The following PGBD5 variants were observed in gnomAD, a reference collection of about 807,000 sequenced individuals.
The protein encoded by PGBD5 is piggyBac transposable element-derived protein 5.
A neutral mutation model predicts 47.9 loss-of-function variants in PGBD5; 14 were observed. The ratio of observed to expected loss-of-function variants is 0.29; its 90% CI spans 0.19 to 0.46. The LOEUF (loss-of-function observed/expected upper bound fraction) is 0.46, where lower values mean the gene tolerates loss of function less well. Among genes scored for constraint, PGBD5 ranks in the 20% least tolerant of loss-of-function variants. The pLI, the probability that PGBD5 is intolerant of heterozygous loss-of-function variation, is 1.00. For missense variants in PGBD5, 635 were observed against 716.0 expected (o/e 0.89, Z 1.29); for synonymous variants, 316 against 306.3 (o/e 1.03, Z -0.33).
At chr1:230,410,662 A>G (rs6701574) in intron 1 of PGBD5, among the ~76,000 whole-genome samples, 33,089 of 151,936 alleles carry the variant, frequency 0.22, 4,105 homozygotes, top group Admixed American at 0.38. Flanking sequence ...TTTATAGAAC[A>G]CTCCAGAAGA....
chr1:230,406,888 T>C (rs1159053766), intron 1 of PGBD5, among the ~76,000 whole-genome samples: 13 of 152,214 alleles, frequency 8.5e-5, no homozygotes, highest in Admixed American at 8.5e-4. Context: ...CAGGCTGGAG[T>C]GCAATGGCGC....
At chr1:230,333,388 C>T (rs943233360) in intron 4 of PGBD5, among the ~76,000 whole-genome samples, 4 of 152,224 alleles carry the variant, frequency 2.6e-5, no homozygotes, top group African/African-American at 9.6e-5. Context: ...CGCACGTGTA[C>T]TCATCATCCC....
intron 6 of PGBD5, 67 bp downstream of exon 6, chr1:230,325,243 A>G: frequency 8.5e-7 from 1 of 1,173,740 alleles, no homozygotes; most frequent in Non-Finnish European, 1.3e-6. Flanking sequence ...ATCATCTGCC[A>G]TTACATCTCT....
At chr1:230,385,016 A>T (rs915242420) in intron 1 of PGBD5, among the ~76,000 whole-genome samples, 1 of 152,306 alleles carries the variant, frequency 6.6e-6, no homozygotes, top group Non-Finnish European at 1.5e-5. Context: ...AGCGAAGGTG[A>T]CAGTTAAAAT....
In PGBD5 at chr1:230,333,017, C is replaced by T. The variant is rs771554152; in HGVS notation, c.1100G>A (p.Arg367His). Reference sequence around the variant, plus strand: ...GCCGGTGCAGTCACTCTTCCGCGCGCGGAGCAAGCCGCAGCAGTAAATCCC... The same window carrying T: ...GCCGGTGCAGTCACTCTTCCGCGCGTGGAGCAAGCCGCAGCAGTAAATCCC... ...KQGIYCCGLLRARKSDCTGLP... is the reference protein window; with the variant it reads ...KQGIYCCGLLHARKSDCTGLP... Residue 367 changes from arginine (R) to histidine (H), a missense_variant, in exon 5 of 7, where the codon CGC becomes CAC. Coordinates refer to ENST00000391860, the MANE Select transcript of PGBD5 (RefSeq NM_001258311.2). 3 of 1,602,914 alleles carry T rather than the reference C, an allele frequency of 1.9e-6. No individual in the cohort carries two copies. The highest frequency in any genetic ancestry group is 1.1e-5 in the South Asian group (1 of 89,948).
At chr1:230,390,183 G>T (rs545033922) in intron 1 of PGBD5, among the ~76,000 whole-genome samples, 1 of 152,266 alleles carries the variant, frequency 6.6e-6, no homozygotes, top group East Asian at 1.9e-4. Flanking sequence ...CCCTCGCTCT[G>T]CCCACCATAA....
At chr1:230,365,110 G>A (rs1391506196) in intron 1 of PGBD5, among the ~76,000 whole-genome samples, 9 of 151,356 alleles carry the variant, frequency 5.9e-5, no homozygotes, top group Non-Finnish European at 1.2e-4. Context: ...TCAGGATATT[G>A]AGACCATCCT....
chr1:230,412,900 C>T (rs1019437510), intron 1 of PGBD5, among the ~76,000 whole-genome samples: 5 of 152,100 alleles, frequency 3.3e-5, no homozygotes, highest in African/African-American at 7.2e-5. Context: ...AATATCACAA[C>T]GACTAATAAA....
At chr1:230,332,225 G>A (rs1225112781) in intron 5 of PGBD5, among the ~76,000 whole-genome samples, 1 of 152,228 alleles carries the variant, frequency 6.6e-6, no homozygotes, top group Non-Finnish European at 1.5e-5. Flanking sequence ...TGTGAAGGCA[G>A]GGGAGGCTGC....
At chr1:230,343,643 C>T (rs1311377518) in intron 3 of PGBD5, among the ~76,000 whole-genome samples, 1 of 152,212 alleles carries the variant, frequency 6.6e-6, no homozygotes, top group Non-Finnish European at 1.5e-5. Context: ...CAGCTGGACA[C>T]ATGTCCTGCC....
rs1229888710 is a variant in PGBD5, at chr1:230,357,411, C to T, written c.332-90G>A. The stretch of plus-strand genomic sequence containing the variant: ...ACGGCTGCATTTCCAATCCCTGGGT[C>T]CCTGGCCGAGTGCCCCCGCTGCCTC... On this transcript the variant is annotated intron_variant, in intron 1 of 6. Transcript: ENST00000391860. This position sits in a 1 kb window ranked among gnomAD's most constrained non-coding sequence, Gnocchi z 5.7. 1 of 1,433,286 alleles carries T rather than the reference C, an allele frequency of 7.0e-7. No homozygotes were observed. Among genetic ancestry groups the T allele is most frequent in the African/African-American group, 1.4e-5 (1 of 70,782 alleles). The allele number at this position is 1,433,286 out of a possible 1,614,324, so 88.8% of individuals were successfully genotyped here.
Position 230,425,769 on chromosome 1 carries a change from A to C in PGBD5, c.160T>G (p.Ser54Ala). 3.3e-6 allele frequency: 4 copies of C among 1,205,892 alleles called. No homozygotes were observed. The highest frequency in any genetic ancestry group is 4.1e-6 in the Non-Finnish European group (4 of 970,172). The allele number at this position is 1,205,892 out of a possible 1,614,324, so 74.7% of individuals were successfully genotyped here. Residue 54 changes from serine (S) to alanine (A), a missense_variant, in exon 1 of 7, where the codon TCC becomes GCC. Transcript: ENST00000391860. This position sits in a 1 kb window ranked among gnomAD's most constrained non-coding sequence, Gnocchi z 4.7. ...TCGTCCGAGGAGGCGGCCGAGGAGG[A>C]GCGCGAGGCGGCCGAGGTGCTGTAG... ...PFYSTSAASR[S>A]SSAASSDDER... is the part of the protein sequence containing the mutation.
rs568680083 is a variant in PGBD5, at chr1:230,405,127, G to A, written c.331+20471C>T. On this transcript the variant is annotated intron_variant, in intron 1 of 6. Coordinates refer to ENST00000391860, the MANE Select transcript of PGBD5 (RefSeq NM_001258311.2). Reference sequence around the variant, plus strand: ...GGAGAATGGCGTGAACCTGGGAGGCGGAGCTTGCAGTGAGCTGAGATTGCG... The same window carrying A: ...GGAGAATGGCGTGAACCTGGGAGGCAGAGCTTGCAGTGAGCTGAGATTGCG... 9.9e-4 allele frequency among the ~76,000 whole-genome samples: 150 copies of A among 150,832 alleles called. 1 individual carries two copies. The highest frequency in any genetic ancestry group is 3.5e-3 in the African/African-American group (143 of 41,138).
intron 1 of PGBD5, among the ~76,000 whole-genome samples, chr1:230,424,148 C>T (rs1657719134): frequency 6.6e-6 from 1 of 152,190 alleles, no homozygotes; most frequent in South Asian, 2.1e-4. Context: ...ATCGAAATTA[C>T]ATCACAGATG....
chr1:230,370,444 GTATTT>G (rs1667911973), intron 1 of PGBD5, among the ~76,000 whole-genome samples: 1 of 152,078 alleles, frequency 6.6e-6, no homozygotes, highest in South Asian at 2.1e-4. Context: ...CAAATCATGT[GTATTT>G]ATTTTGTAGA....
In PGBD5 at chr1:230,425,287, C is replaced by G. The variant is rs1657749442; in HGVS notation, c.331+311G>C. On this transcript the variant is annotated intron_variant, in intron 1 of 6. Coordinates refer to ENST00000391860, the MANE Select transcript of PGBD5 (RefSeq NM_001258311.2). This position sits in a 1 kb window ranked among gnomAD's most constrained non-coding sequence, Gnocchi z 4.7. ...CTAACTTCAATCCACCCCTAAAAGT[C>G]CGACCCACAGGTGTGACAGACTTCC... Among the ~76,000 whole-genome samples the G allele has an allele frequency of 6.6e-6, 1 of 152,208 alleles. No homozygotes were observed. The highest frequency in any genetic ancestry group is 1.5e-5 in the Non-Finnish European group (1 of 68,044).
chr1:230,368,924 G>A (rs1366377354), intron 1 of PGBD5, among the ~76,000 whole-genome samples: 4 of 152,236 alleles, frequency 2.6e-5, no homozygotes, highest in Non-Finnish European at 5.9e-5. Flanking sequence ...ACAGTCTCAG[G>A]GATACACAGA....
At chr1:230,403,421 G>A (rs1397572466) in intron 1 of PGBD5, among the ~76,000 whole-genome samples, 2 of 152,214 alleles carry the variant, frequency 1.3e-5, no homozygotes, top group Non-Finnish European at 2.9e-5. Context: ...CTACAGCACT[G>A]AGAAGAAGTG....
At chr1:230,362,216 T>C (rs1315664977) in intron 1 of PGBD5, 3 of 1,335,966 alleles carry the variant, frequency 2.2e-6, no homozygotes, top group Admixed American at 4.0e-5. Context: ...CTGATGGCTG[T>C]TCCCCAAATC....
Sources: allele counts gnomAD v4.1 joint callset (sites outside exome capture counted in the v4.1 genomes callset), GRCh38; gene constraint gnomAD v4.1.1; non-coding constraint Gnocchi (gnomAD v3.1); transcripts MANE v1.5; gene names NCBI Gene and HGNC (gene_info 2026-07-23, HGNC 2026-07-21).